Variants in DCBLD1 observed in about 807,000 individuals in gnomAD.
The protein encoded by DCBLD1 is discoidin, CUB and LCCL domain-containing protein 1.
A neutral mutation model predicts 71.5 loss-of-function variants in DCBLD1; 57 were observed. That is an observed-to-expected ratio of 0.80 (90% CI 0.64 to 0.99). The LOEUF is 0.99. Ranked by LOEUF, DCBLD1 falls within the 50% of genes least tolerant of loss-of-function variation. The probability of loss-of-function intolerance (pLI) is 0.00; values close to 1 mark genes in which losing one functional copy is unlikely to be tolerated. For missense variants in DCBLD1, 891 were observed against 923.5 expected (o/e 0.96, Z 0.46); for synonymous variants, 380 against 363.8 (o/e 1.04, Z -0.51).
At chr6:117,525,751 A>T (rs936217164) in intron 5 of DCBLD1, among the ~76,000 whole-genome samples, 1 of 152,164 alleles carries the variant, frequency 6.6e-6, no homozygotes, top group African/African-American at 2.4e-5. Context: ...TAACATTCCA[A>T]CTGGTTCCTG....
At chr6:117,505,727 G>A (rs188161266) in intron 2 of DCBLD1, among the ~76,000 whole-genome samples, 132 of 152,296 alleles carry the variant, frequency 8.7e-4, no homozygotes, top group African/African-American at 3.1e-3. Context: ...AACACTGGGA[G>A]GCCTAGGAGG....
intron 14 of DCBLD1, chr6:117,562,352 GAACTTTTACT>G (rs1189969777): frequency 1.0e-5 from 2 of 199,182 alleles, no homozygotes; most frequent in African/African-American, 4.6e-5. Context: ...TAATAAATCT[GAACTTTTACT>G]ACCAGAAAAA....
chr6:117,565,066 G>GA (rs1251920265), intron 14 of DCBLD1, among the ~76,000 whole-genome samples: 1 of 151,764 alleles, frequency 6.6e-6, no homozygotes, highest in Non-Finnish European at 1.5e-5. Context: ...AGGTAAAATT[G>GA]AAAAATCTAA....
intron 1 of DCBLD1, among the ~76,000 whole-genome samples, chr6:117,490,126 C>T (rs80325103): frequency 0.031 from 4,648 of 151,074 alleles, 85 homozygotes; most frequent in Non-Finnish European, 0.038. Flanking sequence ...CACACACACC[C>T]CTATAGCAAA....
chr6:117,493,497 T>C (rs1003100719), intron 1 of DCBLD1, among the ~76,000 whole-genome samples: 4 of 152,188 alleles, frequency 2.6e-5, no homozygotes, highest in Admixed American at 2.6e-4. Flanking sequence ...ACTTCTCATA[T>C]CATAATTTTT....
At chr6:117,521,427 C>G (rs1389346491) in intron 3 of DCBLD1, 98 bp from the exon 4 acceptor site, 5 of 1,048,618 alleles carry the variant, frequency 4.8e-6, no homozygotes, top group Non-Finnish European at 6.8e-6. Context: ...TGAATAAATG[C>G]TTTTTAAAAA....
chr6:117,546,430 G>T (rs2114571230), intron 14 of DCBLD1, among the ~76,000 whole-genome samples: 1 of 152,244 alleles, frequency 6.6e-6, no homozygotes, highest in East Asian at 1.9e-4. Context: ...AGAACTAGAA[G>T]CTCCCAGGTG....
chr6:117,562,741 A>AT (rs893268553), intron 14 of DCBLD1: 1 of 207,294 alleles, frequency 4.8e-6, no homozygotes, highest in Non-Finnish European at 9.8e-6. Flanking sequence ...TGCACAATAA[A>AT]TTTTTTTAAG....
At chr6:117,564,812 G>C (rs1779661692) in intron 14 of DCBLD1, among the ~76,000 whole-genome samples, 3 of 152,138 alleles carry the variant, frequency 2.0e-5, no homozygotes, top group Admixed American at 1.3e-4. Context: ...TTAAGGTTTT[G>C]ACATACTGCC....
At chr6:117,527,865 G>A (rs944967791) in intron 5 of DCBLD1, among the ~76,000 whole-genome samples, 1 of 152,114 alleles carries the variant, frequency 6.6e-6, no homozygotes, top group Non-Finnish European at 1.5e-5. Context: ...GACAAATTAA[G>A]GCATCCAAAT....
At chr6:117,482,941 C>CGGGCTGA (rs1776945740) in intron 1 of DCBLD1, 48 bp downstream of exon 1, 2 of 1,150,382 alleles carry the variant, frequency 1.7e-6, no homozygotes, top group Non-Finnish European at 2.1e-6. Flanking sequence ...GCGCCAGGGG[C>CGGGCTGA]GGGCTGAGGG....
chr6:117,537,662 CTTTTT>C (rs68032011), intron 7 of DCBLD1, among the ~76,000 whole-genome samples: 1 of 46,882 alleles, frequency 2.1e-5, no homozygotes, highest in Non-Finnish European at 3.7e-5. Context: ...TACATAGCAC[CTTTTT>C]TTTTTTTTTT....
chr6:117,520,058 A>C, intron 3 of DCBLD1, 108 bp downstream of exon 3: 2 of 1,519,802 alleles, frequency 1.3e-6, no homozygotes, highest in Non-Finnish European at 9.0e-7. Flanking sequence ...TGCAGAATTA[A>C]GATATGAGGG....
chr6:117,518,274 A>G (rs1029811990), intron 2 of DCBLD1, among the ~76,000 whole-genome samples: 11 of 152,134 alleles, frequency 7.2e-5, no homozygotes, highest in Non-Finnish European at 1.2e-4. Flanking sequence ...CCAGTTCCCA[A>G]CCAGTTCTTC....
chr6:117,542,324 A>G (rs1439395899), intron 11 of DCBLD1, among the ~76,000 whole-genome samples: 1 of 151,932 alleles, frequency 6.6e-6, no homozygotes, highest in Non-Finnish European at 1.5e-5. Flanking sequence ...AGAAGTAATA[A>G]TAACACTTCT....
rs187245896 is a variant in DCBLD1, at chr6:117,525,687, C to T, written c.585+253C>T. On this transcript the variant is annotated intron_variant, in intron 5 of 14. Coordinates refer to ENST00000338728, the MANE Select transcript of DCBLD1 (RefSeq NM_001366458.2). ...TGCCATCTCAGAGTATTATTCCATC[C>T]ACTTTTTGTAAGAGGTTATAGATTT... Among the ~76,000 whole-genome samples the T allele has an allele frequency of 1.3e-3, 197 of 152,232 alleles. 2 individuals are homozygous for T. The highest frequency in any genetic ancestry group is 2.0e-3 in the Non-Finnish European group (138 of 68,004).
At position 117,492,403 on chromosome 6, in the gene DCBLD1, T is replaced by G. The variant is rs911726624; in HGVS notation, c.112+9510T>G. Among the ~76,000 whole-genome samples, 5 of 152,206 alleles carry G rather than the reference T, an allele frequency of 3.3e-5. No homozygotes were observed. In the East Asian group the frequency reaches 9.6e-4, roughly 29 times the overall value. On this transcript the variant is annotated intron_variant, in intron 1 of 14. Coordinates refer to ENST00000338728, the MANE Select transcript of DCBLD1 (RefSeq NM_001366458.2). ...CAAAGTGGGAACCAGGCACGTATCTTACAATTCTAAATGCCTTGAAATGGT... is the reference window on the plus strand; with the variant it reads ...CAAAGTGGGAACCAGGCACGTATCTGACAATTCTAAATGCCTTGAAATGGT...
At chr6:117,521,273 C>T (rs1315061433) in intron 3 of DCBLD1, among the ~76,000 whole-genome samples, 1 of 152,120 alleles carries the variant, frequency 6.6e-6, no homozygotes, top group East Asian at 1.9e-4. Context: ...CTGTTAACTA[C>T]AGATTCTGCT....
At chr6:117,484,823 T>G (rs2114343605) in intron 1 of DCBLD1, 1 of 152,348 alleles carries the variant, frequency 6.6e-6, no homozygotes. Flanking sequence ...AATTAATTTT[T>G]TGTGTGTCAG....
Sources: allele counts gnomAD v4.1 joint callset (sites outside exome capture counted in the v4.1 genomes callset), GRCh38; gene constraint gnomAD v4.1.1; transcripts MANE v1.5; gene names NCBI Gene and HGNC (gene_info 2026-07-23, HGNC 2026-07-21).